Variants in ABI3BP observed in about 807,000 individuals in gnomAD.
ABI3BP encodes the protein target of Nesh-SH3.
ABI3BP carries 216 observed loss-of-function variants against 268.6 expected under a neutral mutation model. The observed-to-expected ratio is 0.80, with a 90% CI of 0.72 to 0.90. The LOEUF (loss-of-function observed/expected upper bound fraction) is 0.90. Among genes scored for constraint, ABI3BP ranks in the 40% least tolerant of loss-of-function variants. ABI3BP has a pLI of 0.00. For synonymous variants in ABI3BP, 730 were observed against 730.0 expected, an observed-to-expected ratio of 1.00 and a Z score of 0.00; for missense variants, 2,090 against 2,182.4, an observed-to-expected ratio of 0.96 and a Z score of 0.84.
rs1470394689 is a variant in ABI3BP, at chr3:100,828,402, T to A, written c.2593A>T (p.Thr865Ser). 5.2e-6 allele frequency: 8 copies of A among 1,535,144 alleles called. No homozygotes were observed. The highest frequency in any genetic ancestry group is 7.0e-6 in the Non-Finnish European group (8 of 1,146,202). ...PVSPIKEAPG[T>S]TFVPVTDLEP... ...CAAAAAGTGGCATTACCGAATGTTG[T>A]CCCTGGAGCCTCTTTTATAGGAGAA... The change falls in exon 34 of 68, where the codon ACA becomes TCA. Residue 865 changes from threonine to serine, a missense_variant. By Grantham distance (58) the Thr-to-Ser change is moderately conservative. Transcript: ENST00000471714.
At chr3:100,793,031 C>T (rs1175325066) in intron 54 of ABI3BP, among the ~76,000 whole-genome samples, 2 of 151,758 alleles carry the variant, frequency 1.3e-5, no homozygotes, top group African/African-American at 4.8e-5. Flanking sequence ...TATCATTAAT[C>T]TAGTTGTGGC....
chr3:100,908,523 A>C (rs565349617), intron 2 of ABI3BP, among the ~76,000 whole-genome samples: 88 of 152,268 alleles, frequency 5.8e-4, no homozygotes, highest in African/African-American at 2.0e-3. Flanking sequence ...ATCTCAGCCC[A>C]AAATCTCCTT....
intron 39 of ABI3BP, 114 bp from the exon 40 acceptor site, chr3:100,820,417 A>T: frequency 1.2e-6 from 1 of 812,462 alleles, no homozygotes; most frequent in Admixed American, 3.2e-5. Flanking sequence ...TATTTCAGGA[A>T]ATTTGTCTTT....
At chr3:100,969,492 G>A (rs1034954655) in intron 1 of ABI3BP, among the ~76,000 whole-genome samples, 19 of 152,128 alleles carry the variant, frequency 1.2e-4, no homozygotes, top group Non-Finnish European at 2.4e-4. Flanking sequence ...GCAGATCCTT[G>A]ACTCTGGATT....
chr3:100,873,789 A>G (rs2099133827), intron 9 of ABI3BP, among the ~76,000 whole-genome samples: 1 of 152,204 alleles, frequency 6.6e-6, no homozygotes, highest in Non-Finnish European at 1.5e-5. Flanking sequence ...AGCAGGTGCC[A>G]TGCCTGGGTA....
chr3:100,972,231 T>C (rs1456927027), intron 1 of ABI3BP, among the ~76,000 whole-genome samples: 1 of 152,206 alleles, frequency 6.6e-6, no homozygotes, highest in Non-Finnish European at 1.5e-5. Flanking sequence ...TGAAAGTGCT[T>C]TTTAAATTAA....
At chr3:100,946,798 AAAAAAG>A (rs1384326920) in intron 1 of ABI3BP, among the ~76,000 whole-genome samples, 4 of 152,118 alleles carry the variant, frequency 2.6e-5, no homozygotes, top group Non-Finnish European at 5.9e-5. Context: ...CAAAAAAAAA[AAAAAAG>A]AAAAGAAATG....
Position 100,831,225 on chromosome 3 carries a change from G to T in ABI3BP, c.2402-591C>A, listed in dbSNP as rs542864129. On this transcript the variant is annotated intron_variant, in intron 31 of 67. Transcript: ENST00000471714. ...GTGATGGGTGTCACTCTGTTGAATA[G>T]GTGCATGTGCTGGGGGTGTGTCTGC... Among the ~76,000 whole-genome samples the T allele has an allele frequency of 2.0e-5, 3 of 152,144 alleles. No individual in the cohort carries two copies. In the East Asian group the frequency reaches 5.8e-4, roughly 30 times the overall value.
chr3:100,801,841 C>A (rs1248626966), intron 51 of ABI3BP, among the ~76,000 whole-genome samples: 1 of 152,120 alleles, frequency 6.6e-6, no homozygotes, highest in Non-Finnish European at 1.5e-5. Context: ...GTTCTCTACC[C>A]TGCTCATCCC....
intron 29 of ABI3BP, among the ~76,000 whole-genome samples, chr3:100,834,131 T>C (rs895555515): frequency 3.3e-5 from 5 of 152,146 alleles, no homozygotes; most frequent in Admixed American, 1.3e-4. Flanking sequence ...TCACCATATC[T>C]GGCTAGTTTT....
At position 100,902,694 on chromosome 3, in the gene ABI3BP, C is replaced by A. The variant is rs2051009752; in HGVS notation, c.260-8G>T. Reference sequence around the variant, plus strand: ...GATATTTCGGCTCTGCATCTGGAAGCAATAACATTATTTATCAGAAAAACC... The same window carrying A: ...GATATTTCGGCTCTGCATCTGGAAGAAATAACATTATTTATCAGAAAAACC... On this transcript the variant is annotated splice_region_variant and splice_polypyrimidine_tract_variant and intron_variant, in intron 2 of 67. Transcript: ENST00000471714. 1.9e-6 allele frequency: 3 copies of A among 1,613,048 alleles called. No homozygotes were observed. The highest frequency in any genetic ancestry group is 1.6e-4 in the Middle Eastern group (1 of 6,062).
At position 100,908,115 on chromosome 3, in the gene ABI3BP, TA is replaced by T. The variant is rs370167303; in HGVS notation, c.260-5430del. Among the ~76,000 whole-genome samples, 1,010 of 118,082 alleles carry T rather than the reference TA, an allele frequency of 8.6e-3. 3 individuals are homozygous for T. The highest frequency in any genetic ancestry group is 0.021 in the African/African-American group (649 of 31,484). 77.5% of individuals were successfully genotyped at this position (118,082 alleles called of 152,430 possible). On this transcript the variant is annotated intron_variant, in intron 2 of 67. Transcript: ENST00000471714. ...TGGGTGACAGAGCAAAGACTCTGTC[TA>T]AAAAAAAAAAAAAGAAAAAAGAAAA...
At chr3:100,905,061 C>A (rs1017273059) in intron 2 of ABI3BP, among the ~76,000 whole-genome samples, 1 of 152,138 alleles carries the variant, frequency 6.6e-6, no homozygotes, top group African/African-American at 2.4e-5. Context: ...CACATATACA[C>A]CATGGAATAC....
intron 34 of ABI3BP, among the ~76,000 whole-genome samples, chr3:100,827,213 G>A (rs62274057): frequency 0.03 from 4,491 of 152,184 alleles, 88 homozygotes; most frequent in Non-Finnish European, 0.046. Context: ...GGCTTTTCGC[G>A]TGGGAAGTTT....
chr3:100,761,079 C>G (rs184039494), intron 63 of ABI3BP, among the ~76,000 whole-genome samples: 1 of 152,074 alleles, frequency 6.6e-6, no homozygotes. Context: ...CTCTTTATGT[C>G]CATGTGTTCT....
intron 2 of ABI3BP, among the ~76,000 whole-genome samples, chr3:100,904,148 T>C (rs1374290865): frequency 6.6e-6 from 1 of 152,138 alleles, no homozygotes; most frequent in East Asian, 1.9e-4. Context: ...ACTTCATTAC[T>C]CCCTCATGGC....
At chr3:100,783,612 C>T (rs1318578130) in intron 57 of ABI3BP, among the ~76,000 whole-genome samples, 1 of 152,182 alleles carries the variant, frequency 6.6e-6, no homozygotes, top group Non-Finnish European at 1.5e-5. Context: ...GTTTTGCCCA[C>T]AGAGTTGAAA....
At chr3:100,971,606 G>A (rs536519805) in intron 1 of ABI3BP, among the ~76,000 whole-genome samples, 3 of 152,190 alleles carry the variant, frequency 2.0e-5, no homozygotes, top group East Asian at 1.9e-4. Context: ...AAGACAAAAC[G>A]TGCTTCCACT....
intron 1 of ABI3BP, among the ~76,000 whole-genome samples, chr3:100,957,799 T>C (rs541592759): frequency 1.3e-3 from 202 of 152,236 alleles, no homozygotes; most frequent in Non-Finnish European, 2.5e-3. Flanking sequence ...CAGCTCCTGA[T>C]GCAGGGAAAT....
Sources: allele counts gnomAD v4.1 joint callset (sites outside exome capture counted in the v4.1 genomes callset), GRCh38; gene constraint gnomAD v4.1.1; transcripts MANE v1.5; gene names NCBI Gene and HGNC (gene_info 2026-07-23, HGNC 2026-07-21).